Variants in COL11A1 observed in about 807,000 individuals in gnomAD.
COL11A1 encodes collagen alpha-1(XI) chain.
In COL11A1, 74 loss-of-function variants were observed where a neutral mutation model predicts 265.2. The ratio of observed to expected loss-of-function variants is 0.28; its 90% confidence interval spans 0.23 to 0.34. The LOEUF (loss-of-function observed/expected upper bound fraction) is 0.34. COL11A1 is among the 10% of genes least tolerant of loss of function. The pLI is 1.00. For synonymous variants in COL11A1, 816 were observed against 727.6 expected (o/e 1.12, Z -1.96); for missense variants, 2,165 against 2,263.6 (o/e 0.96, Z 0.88).
At chr1:103,080,534 A>G (rs1672323702) in intron 2 of COL11A1, among the ~76,000 whole-genome samples, 1 of 151,938 alleles carries the variant, frequency 6.6e-6, no homozygotes, top group Non-Finnish European at 1.5e-5. Context: ...TATCTTGAAG[A>G]AGACATACAA....
intron 46 of COL11A1, among the ~76,000 whole-genome samples, chr1:102,929,400 G>C (rs894040802): frequency 5.9e-5 from 9 of 151,964 alleles, no homozygotes; most frequent in Non-Finnish European, 1.0e-4. Flanking sequence ...ACAGATAGTT[G>C]TAGATATGCG....
intron 4 of COL11A1, among the ~76,000 whole-genome samples, chr1:103,057,310 T>C (rs892749201): frequency 6.6e-6 from 1 of 152,194 alleles, no homozygotes; most frequent in South Asian, 2.1e-4. Flanking sequence ...TCAAGTTTTA[T>C]CATGAGGTTA....
chr1:103,082,899 A>G lies in COL11A1; in HGVS notation c.180T>C (p.Phe60=). 1 of 1,613,690 alleles carries G rather than the reference A, an allele frequency of 6.2e-7. No individual in the cohort carries two copies. Among genetic ancestry groups the G allele is most frequent in the Non-Finnish European group, 8.5e-7 (1 of 1,179,750 alleles). ...CTTTAGAATTCTTTCTGTTTGTGCAAAATCCCGTTGTTTTTGATATTCCCT... is the reference window on the plus strand; with the variant it reads ...CTTTAGAATTCTTTCTGTTTGTGCAGAATCCCGTTGTTTTTGATATTCCCT... The part of the protein sequence containing the change: ...SPEGISKTTG[F]CTNRKNSKGS... The change falls in exon 2 of 67, where the codon TTT becomes TTC. Residue 60 remains phenylalanine, a synonymous_variant. Coordinates refer to ENST00000370096, the MANE Select transcript of COL11A1 (RefSeq NM_001854.4).
intron 57 of COL11A1, among the ~76,000 whole-genome samples, chr1:102,894,691 C>T (rs900206141): frequency 1.6e-4 from 24 of 152,124 alleles, no homozygotes; most frequent in African/African-American, 5.8e-4. Flanking sequence ...CTAGCAGAGT[C>T]CCACTTAAAA....
intron 4 of COL11A1, among the ~76,000 whole-genome samples, chr1:103,049,566 G>C (rs971617719): frequency 6.6e-6 from 1 of 152,176 alleles, no homozygotes; most frequent in African/African-American, 2.4e-5. Context: ...TTGCCAGTCT[G>C]TGTCTTTTAA....
intron 54 of COL11A1, among the ~76,000 whole-genome samples, chr1:102,901,017 T>C (rs1653121095): frequency 6.6e-6 from 1 of 151,996 alleles, no homozygotes; most frequent in Non-Finnish European, 1.5e-5. Context: ...TGATTAATAA[T>C]AAATATAAAA....
intron 41 of COL11A1, among the ~76,000 whole-genome samples, chr1:102,957,671 TAACTCTTCTCACTCTCTTTTGACA>T (rs1158139725): frequency 2.2e-4 from 34 of 152,238 alleles, no homozygotes. Flanking sequence ...GTTGAAATAC[TAACTCTTCTCACTCTCTTTTGACA>T]AAATTGTTCA....
intron 5 of COL11A1, among the ~76,000 whole-genome samples, chr1:103,029,639 T>C (rs980689686): frequency 6.6e-6 from 1 of 152,048 alleles, no homozygotes; most frequent in Non-Finnish European, 1.5e-5. Flanking sequence ...CCCAACAAGA[T>C]TGTCATGCAG....
At chr1:103,020,005 T>C (rs1357328540) in intron 9 of COL11A1, among the ~76,000 whole-genome samples, 1 of 144,408 alleles carries the variant, frequency 6.9e-6, no homozygotes, top group East Asian at 2.2e-4. Flanking sequence ...ACATTTGGGT[T>C]GGTTCCAAGT....
chr1:103,083,949 C>T (rs541159852), intron 1 of COL11A1, among the ~76,000 whole-genome samples: 2 of 152,080 alleles, frequency 1.3e-5, no homozygotes, highest in African/African-American at 2.4e-5. Context: ...ATGTTTGGAA[C>T]CTTAAACTTT....
intron 65 of COL11A1, 91 bp downstream of exon 65, chr1:102,881,606 A>T: frequency 1.9e-6 from 2 of 1,026,240 alleles, no homozygotes; most frequent in Non-Finnish European, 3.0e-6. Context: ...AGCATAATTT[A>T]GACTTTCACT....
chr1:102,976,577 G>A (rs572969290), intron 35 of COL11A1, among the ~76,000 whole-genome samples: 68 of 152,164 alleles, frequency 4.5e-4, no homozygotes, highest in Admixed American at 4.6e-4. Context: ...GGGATTACAG[G>A]TGTGAGCCAT....
At chr1:102,953,610 T>A (rs1660098200) in intron 41 of COL11A1, among the ~76,000 whole-genome samples, 1 of 152,220 alleles carries the variant, frequency 6.6e-6, no homozygotes, top group African/African-American at 2.4e-5. Flanking sequence ...GTTAGAGGAC[T>A]GTAAGTGAAC....
chr1:102,978,648 T>C, intron 35 of COL11A1, 60 bp downstream of exon 35: 10 of 1,551,124 alleles, frequency 6.4e-6, no homozygotes, highest in Non-Finnish European at 5.3e-6. Flanking sequence ...TTCTCTGAAA[T>C]CTAAATACTT....
At chr1:103,087,853 G>T (rs192342568) in intron 1 of COL11A1, among the ~76,000 whole-genome samples, 20 of 152,206 alleles carry the variant, frequency 1.3e-4, no homozygotes, top group Admixed American at 1.2e-3. Context: ...TAAGGAACAG[G>T]TATACACACA....
intron 41 of COL11A1, among the ~76,000 whole-genome samples, chr1:102,953,308 G>A (rs1039490479): frequency 6.6e-6 from 1 of 151,846 alleles, no homozygotes; most frequent in Non-Finnish European, 1.5e-5. Flanking sequence ...CTGGCACATA[G>A]TATGCCATAA....
chr1:103,102,877 T>C (rs534333437), intron 1 of COL11A1, among the ~76,000 whole-genome samples: 1 of 152,160 alleles, frequency 6.6e-6, no homozygotes, highest in East Asian at 1.9e-4. Context: ...GAATACTAGT[T>C]GAAGACTGGA....
At chr1:102,964,161 T>C (rs1661183008) in intron 38 of COL11A1, among the ~76,000 whole-genome samples, 1 of 152,184 alleles carries the variant, frequency 6.6e-6, no homozygotes, top group Admixed American at 6.5e-5. Flanking sequence ...ATTGTATTTT[T>C]GAAAGATGTG....
chr1:103,058,484 C>T (rs1343732004), intron 4 of COL11A1, among the ~76,000 whole-genome samples: 1 of 152,160 alleles, frequency 6.6e-6, no homozygotes, highest in Admixed American at 6.5e-5. Context: ...ATTCACAGGG[C>T]ACAAAAGGCC....
Sources: gnomAD v4.1 joint callset for allele counts (sites outside exome capture counted in the v4.1 genomes callset) on GRCh38, gnomAD v4.1.1 for gene constraint, MANE v1.5 for transcripts, NCBI Gene and HGNC (gene_info 2026-07-23, HGNC 2026-07-21) for gene names.